Variants in POLRMT observed in about 807,000 individuals in gnomAD.
POLRMT encodes RNA polymerase mitochondrial.
Under a neutral mutation model 132.2 loss-of-function variants are expected in POLRMT, and 114 were observed. The ratio of observed to expected loss-of-function variants is 0.86; its 90% CI spans 0.74 to 1.01. The LOEUF (loss-of-function observed/expected upper bound fraction) is 1.01. Among genes scored for constraint, POLRMT ranks in the 50% least tolerant of loss-of-function variants. The pLI is 0.00. For missense variants in POLRMT, 2,003 were observed against 1,729.1 expected (o/e 1.16, Z -2.81); for synonymous variants, 1,020 against 773.4 (o/e 1.32, Z -5.29).
rs1411244620 is a variant in POLRMT, at chr19:619,726, G to C, written c.2926C>G (p.Arg976Gly). 7 of 1,599,342 alleles carry C rather than the reference G, an allele frequency of 4.4e-6. No individual in the cohort carries two copies. Among genetic ancestry groups the C allele is most frequent in the East Asian group, 2.2e-5 (1 of 44,742 alleles). The change falls in exon 13 of 21, where the codon CGG becomes GGG. Residue 976 changes from arginine (R) to glycine (G), a missense_variant. Transcript: ENST00000588649. ...FRRQDAQRGM[R>G]VAQVLEGFIT... The stretch of plus-strand genomic sequence containing the variant: ...AAACCTTCCAGCACCTGTGCCACCC[G>C]CATGCCCCGCTGGGCGTCCTGCCTA...
intron 2 of POLRMT, among the ~76,000 whole-genome samples, chr19:632,233 C>A (rs541284214): frequency 6.7e-6 from 1 of 149,752 alleles, no homozygotes. Context: ...CCGCACCTGG[C>A]CAGGTTTTTT....
Position 625,572 on chromosome 19 carries a change from G to A in POLRMT, c.823-318C>T, listed in dbSNP as rs568483328. ...TGACTTGGCTTGACTGTTCTCTGCTGTTTCTGCCTTCCATTTCATCGATTT... is the reference window on the plus strand; with the variant it reads ...TGACTTGGCTTGACTGTTCTCTGCTATTTCTGCCTTCCATTTCATCGATTT... On this transcript the variant is annotated intron_variant, in intron 3 of 20. Transcript: ENST00000588649. The A allele has an allele frequency of 1.5e-5, 4 of 274,448 alleles. No homozygotes were observed. The East Asian group carries it at 2.8e-4, about 19-fold the overall frequency. 17.0% of individuals were successfully genotyped at this position (274,448 alleles called of 1,614,324 possible). A position where few individuals can be genotyped will look rare whatever the true frequency, so the allele number is the denominator to read the frequency against.
At chr19:618,913 G>T (rs1483883591) in intron 15 of POLRMT, 84 bp downstream of exon 15, 4 of 1,353,552 alleles carry the variant, frequency 3.0e-6, no homozygotes, top group South Asian at 1.3e-5. Context: ...CACTGGGGTG[G>T]TGGTACGCTG....
chr19:632,599 C>G (rs1466000470), intron 2 of POLRMT, among the ~76,000 whole-genome samples: 1 of 151,794 alleles, frequency 6.6e-6, no homozygotes, highest in Non-Finnish European at 1.5e-5. Context: ...AGTGGGAGCA[C>G]CTGGTGGGGT....
In POLRMT at chr19:617,455, G is replaced by A. The variant is rs1385227278; in HGVS notation, c.3607C>T (p.Gln1203Ter). Residue 1203 changes from glutamine (Q) to a stop codon, truncating the protein, a stop_gained, in exon 20 of 21, where the codon CAG becomes TAG. Coordinates refer to ENST00000588649, the MANE Select transcript of POLRMT (RefSeq NM_005035.4). LOFTEE classifies it high-confidence loss of function. ...ACCGCCTGCAGTGTCTCCTTCAGCT[G>A]GCTGGCCTCCAAGATCTTCTGGGGC... Reference protein sequence around the residue: ...SEPQKILEASQLKETLQAVPK... With the variant: ...SEPQKILEAS 1.2e-6 allele frequency: 2 copies of A among 1,612,010 alleles called. No homozygotes were observed. The highest frequency in any genetic ancestry group is 1.7e-6 in the Non-Finnish European group (2 of 1,179,836).
At chr19:633,052 T>C (rs969254437) in intron 1 of POLRMT, 114 bp from the exon 2 acceptor site, 106 of 744,400 alleles carry the variant, frequency 1.4e-4, no homozygotes, top group Non-Finnish European at 1.4e-4. Flanking sequence ...GCGGAAACTC[T>C]CGGAGCACGG....
intron 1 of POLRMT, 110 bp from the exon 2 acceptor site, chr19:633,048 AC>A (rs1568179268): frequency 1.3e-6 from 1 of 757,652 alleles, no homozygotes; most frequent in East Asian, 3.3e-5. Flanking sequence ...CGCAGCGGAA[AC>A]TCTCGGAGCA....
Position 630,125 on chromosome 19 carries a change from C to T in POLRMT, c.237G>A (p.Ser79=), listed in dbSNP as rs146883451. 68 of 1,610,932 alleles carry T rather than the reference C, an allele frequency of 4.2e-5. No individual in the cohort carries two copies. Among genetic ancestry groups the T allele is most frequent in the African/African-American group, 4.1e-4 (31 of 75,000 alleles). ...CATCCACCCTGTTCACCACCACCTC[C>T]GACACGCTCTCAGCCTGCAGCTGCC... The part of the protein sequence containing the change: ...RVRQLQAESV[S]EVVVNRVDVA... The change falls in exon 3 of 21, where the codon TCG becomes TCA. Residue 79 remains serine (S), a synonymous_variant. Coordinates refer to ENST00000588649, the MANE Select transcript of POLRMT (RefSeq NM_005035.4).
At chr19:622,436 C>G in intron 8 of POLRMT, 63 bp from the exon 9 acceptor site, 2 of 1,476,736 alleles carry the variant, frequency 1.4e-6, no homozygotes, top group Middle Eastern at 2.5e-4. Context: ...CCCCACCGCC[C>G]GTGCCTGACG....
chr19:617,346 G>T (rs371321784), intron 20 of POLRMT, 23 bp from the exon 21 acceptor site: 1 of 1,612,680 alleles, frequency 6.2e-7, no homozygotes, highest in Non-Finnish European at 8.5e-7. Context: ...CAGAGCGGAC[G>T]GCGTGGGTGG....
At position 632,945 on chromosome 19, in the gene POLRMT, G is replaced by T. The variant is rs1306576371; in HGVS notation, c.89-7C>A. ...CAGACGCCACCGGCGGTCCCTGCGG[G>T]AAAGACGAGAGCGGCTGAGCGGGGC... On this transcript the variant is annotated splice_region_variant and splice_polypyrimidine_tract_variant and intron_variant, in intron 1 of 20. Transcript: ENST00000588649. 1.3e-6 allele frequency: 2 copies of T among 1,496,322 alleles called. No homozygotes were observed. Among genetic ancestry groups the T allele is most frequent in the South Asian group, 2.5e-5 (2 of 80,242 alleles). 92.7% of individuals were successfully genotyped at this position (1,496,322 alleles called of 1,614,324 possible).
chr19:619,480 G>T, intron 13 of POLRMT, 106 bp downstream of exon 13: 3 of 1,475,880 alleles, frequency 2.0e-6, no homozygotes, highest in Middle Eastern at 2.0e-4. Flanking sequence ...AGTGGTCTGG[G>T]GGAGCAGCCA....
intron 1 of POLRMT, 64 bp downstream of exon 1, chr19:633,361 G>A (rs926050867): frequency 7.1e-7 from 1 of 1,412,934 alleles, no homozygotes; most frequent in African/African-American, 1.5e-5. Context: ...CAAAGGCCCC[G>A]GCCGCGCGGG....
At position 621,291 on chromosome 19, in the gene POLRMT, G is replaced by C; in HGVS notation, c.2407C>G (p.Arg803Gly). The C allele has an allele frequency of 1.2e-6, 2 of 1,603,662 alleles. No homozygotes were observed. The highest frequency in any genetic ancestry group is 2.2e-5 in the East Asian group (1 of 44,658). ...GGCGGGCAGGGGTAGGTGCGGCCGC[G>C]GAAGTCCATGTTGTGCGGCAGCCAG... ...VFWLPHNMDFRGRTYPCPPHF... is the reference protein window; with the variant it reads ...VFWLPHNMDFGGRTYPCPPHF... The change falls in exon 10 of 21, where the codon CGC becomes GGC. Residue 803 changes from arginine to glycine, a missense_variant. Physicochemically the swap from Arg to Gly is moderately radical, Grantham distance 125. Coordinates refer to ENST00000588649, the MANE Select transcript of POLRMT (RefSeq NM_005035.4).
At chr19:632,789 G>A (rs1219287349) in intron 2 of POLRMT, 45 bp downstream of exon 2, 20 of 1,469,468 alleles carry the variant, frequency 1.4e-5, no homozygotes, top group African/African-American at 2.9e-5. Context: ...CCGGCAGCAG[G>A]GAGCGGACTC....
Position 620,795 on chromosome 19 carries a change from C to G in POLRMT, c.2640+263G>C, listed in dbSNP as rs1228957414. On this transcript the variant is annotated intron_variant, in intron 10 of 20. Transcript: ENST00000588649. ...TCGGCGGATGCAGGGGAGGGGGGAA[C>G]GTGGGGAACGCGGGGGCCCTGGGGC... Among the ~76,000 whole-genome samples the G allele has an allele frequency of 3.0e-5, 2 of 65,746 alleles. 1 individual carries two copies. The highest frequency in any genetic ancestry group is 6.0e-5 in the Non-Finnish European group (2 of 33,502). 43.1% of individuals were successfully genotyped at this position (65,746 alleles called of 152,430 possible). A position where few individuals can be genotyped will look rare whatever the true frequency, so the allele number is the denominator to read the frequency against.
rs374814253 is a variant in POLRMT at position 617,399 on chromosome 19, G to C, written c.3643+20C>G. 1.2e-6 allele frequency: 2 copies of C among 1,612,318 alleles called. No homozygotes were observed. The highest frequency in any genetic ancestry group is 1.7e-6 in the Non-Finnish European group (2 of 1,179,766). On this transcript the variant is annotated intron_variant, in intron 20 of 20. Coordinates refer to ENST00000588649, the MANE Select transcript of POLRMT (RefSeq NM_005035.4). ...GGCCCGCAGTTCGAGCCACCCTTGC[G>C]AGGCTGCCCACCCGCCTACCTGGCT...
In POLRMT at chr19:626,047, G is replaced by A. The variant is rs1017419321; in HGVS notation, c.823-793C>T. Among the ~76,000 whole-genome samples, 10 of 151,982 alleles carry A rather than the reference G, an allele frequency of 6.6e-5. No individual in the cohort carries two copies. In the South Asian group the frequency reaches 1.0e-3, roughly 16 times the overall value. ...ATTTTGTGACTATAAATTACCCTGC[G>A]AGCACTGTGTCAGCTGCATCCCAGG... is the stretch of plus-strand genomic sequence containing the variant. On this transcript the variant is annotated intron_variant, in intron 3 of 20. Transcript: ENST00000588649.
At position 621,807 on chromosome 19, in the gene POLRMT, G is replaced by A. The variant is rs751547627; in HGVS notation, c.1891C>T (p.Leu631=). 4.4e-6 allele frequency: 7 copies of A among 1,602,426 alleles called. No individual in the cohort carries two copies. In the East Asian group the frequency reaches 1.6e-4, roughly 36 times the overall value. ...LKPHPAYVQL[L]EKAAEPTLTF... Reference sequence around the variant, plus strand: ...AGCGTGGGCTCCGCGGCCTTCTCCAGCAGCTGCACGTAGGCCGGGTGCGGC... The same window carrying A: ...AGCGTGGGCTCCGCGGCCTTCTCCAACAGCTGCACGTAGGCCGGGTGCGGC... The change falls in exon 10 of 21, where the codon CTG becomes TTG. Residue 631 remains leucine (L), a synonymous_variant. Transcript: ENST00000588649.
Sources: allele counts gnomAD v4.1 joint callset (sites outside exome capture counted in the v4.1 genomes callset), GRCh38; gene constraint gnomAD v4.1.1; transcripts MANE v1.5; gene names NCBI Gene and HGNC (gene_info 2026-07-23, HGNC 2026-07-21).